The following ZNF26 variants were observed in gnomAD, a reference collection of about 807,000 sequenced individuals.
ZNF26 encodes the protein zinc finger protein 26.
In ZNF26, 32 loss-of-function variants were observed where a neutral mutation model predicts 54.9. The ratio of observed to expected loss-of-function variants is 0.58; its 90% CI spans 0.44 to 0.78. The LOEUF (loss-of-function observed/expected upper bound fraction) is 0.78. Ranked by LOEUF, ZNF26 falls within the 30% of genes least tolerant of loss-of-function variation. The probability of loss-of-function intolerance (pLI) is 0.00; values close to 1 mark genes in which losing one functional copy is unlikely to be tolerated. For synonymous variants in ZNF26, 221 were observed against 209.2 expected, an observed-to-expected ratio of 1.06 and a Z score of -0.49; for missense variants, 524 against 634.0, an observed-to-expected ratio of 0.83 and a Z score of 1.86.
At chr12:132,987,714 A>G (rs1952854537) in intron 1 of ZNF26, 1 of 985,322 alleles carries the variant, frequency 1.0e-6, no homozygotes, top group South Asian at 4.7e-5. Context: ...AAGACACCTT[A>G]TTGTATTCGT....
chr12:133,022,959 A>G lies in ZNF26; in HGVS notation c.*11478A>G, dbSNP rs1025160655. 1 of 152,222 alleles carries G rather than the reference A, an allele frequency of 6.6e-6. No homozygotes were observed. Among genetic ancestry groups the G allele is most frequent in the Non-Finnish European group, 1.5e-5 (1 of 68,034 alleles). 9.4% of individuals were successfully genotyped at this position (152,222 alleles called of 1,614,324 possible). On this transcript the variant is annotated 3_prime_UTR_variant, in exon 4 of 4. Transcript: ENST00000328654. ...GAAAATGATAATCAAAATCTTTAGG[A>G]TAGTGTCTACACCCTGTGGAAGAAG... is the stretch of plus-strand genomic sequence containing the variant.
At chr12:132,991,795 GA>G (rs1308375021) in intron 1 of ZNF26, among the ~76,000 whole-genome samples, 3 of 151,730 alleles carry the variant, frequency 2.0e-5, no homozygotes, top group African/African-American at 4.8e-5. Context: ...AAAATGATCA[GA>G]AAAAAAATTT....
intron 1 of ZNF26, among the ~76,000 whole-genome samples, chr12:132,989,892 C>T (rs1342166993): frequency 4.6e-5 from 7 of 152,128 alleles, no homozygotes; most frequent in African/African-American, 1.7e-4. Context: ...TTAGTTGTAG[C>T]ATTTTTCTTG....
At chr12:133,002,182 G>A (rs779621549) in intron 1 of ZNF26, among the ~76,000 whole-genome samples, 56 of 152,222 alleles carry the variant, frequency 3.7e-4, no homozygotes, top group Non-Finnish European at 7.1e-4. Flanking sequence ...CCTCCTTAAA[G>A]GGAAAGTTCT....
chr12:132,999,022 G>A (rs1005155465), intron 1 of ZNF26, among the ~76,000 whole-genome samples: 1 of 152,166 alleles, frequency 6.6e-6, no homozygotes, highest in Non-Finnish European at 1.5e-5. Flanking sequence ...CAGAGCAGCA[G>A]TCTTCCAAAC....
At position 133,011,868 on chromosome 12, in the gene ZNF26, T is replaced by C. The variant is rs1160134514; in HGVS notation, c.*387T>C. On this transcript the variant is annotated 3_prime_UTR_variant, in exon 4 of 4. Coordinates refer to ENST00000328654, the MANE Select transcript of ZNF26 (RefSeq NM_019591.4). The stretch of plus-strand genomic sequence containing the variant: ...TAAAATCTTGGTATGAACAGTTGAC[T>C]TCATGGTGGAGTATAAAGTTGTTTT... 6.4e-6 allele frequency: 1 copy of C among 156,598 alleles called. No individual in the cohort carries two copies. The highest frequency in any genetic ancestry group is 2.4e-5 in the African/African-American group (1 of 41,540). The allele number at this position is 156,598 out of a possible 1,614,324, so 9.7% of individuals were successfully genotyped here.
Position 133,013,427 on chromosome 12 carries a change from C to T in ZNF26, c.*1946C>T, listed in dbSNP as rs1171705346. ...AAAAGTTATCCTCACCCTTCCCCCC[C>T]TCAAAAAGTTATCCCTTGATAATTT... On this transcript the variant is annotated 3_prime_UTR_variant, in exon 4 of 4. Coordinates refer to ENST00000328654, the MANE Select transcript of ZNF26 (RefSeq NM_019591.4). The T allele has an allele frequency of 6.5e-6, 1 of 152,902 alleles. No individual in the cohort carries two copies. The highest frequency in any genetic ancestry group is 1.5e-5 in the Non-Finnish European group (1 of 68,334). The allele number at this position is 152,902 out of a possible 1,614,324, so 9.5% of individuals were successfully genotyped here. A position where few individuals can be genotyped will look rare whatever the true frequency, so the allele number is the denominator to read the frequency against.
At position 133,010,819 on chromosome 12, in the gene ZNF26, C is replaced by A. The variant is rs1011157563; in HGVS notation, c.940C>A (p.His314Asn). Residue 314 changes from histidine (H) to asparagine (N), a missense_variant, in exon 4 of 4, where the codon CAT becomes AAT. His to Asn is a moderately conservative substitution (Grantham distance 68). Coordinates refer to ENST00000328654, the MANE Select transcript of ZNF26 (RefSeq NM_019591.4). ...GAGAACTCATACAGGAGTGAAACCC[C>A]ATAAATGCAGTGAATGTGGGAAAGC... ...HQRTHTGVKP[H>N]KCSECGKAFR... 3 of 1,613,490 alleles carry A rather than the reference C, an allele frequency of 1.9e-6. No individual in the cohort carries two copies. In the East Asian group the frequency reaches 6.7e-5, roughly 36 times the overall value.
At chr12:133,002,402 G>A (rs1228165926) in intron 1 of ZNF26, among the ~76,000 whole-genome samples, 2 of 151,946 alleles carry the variant, frequency 1.3e-5, no homozygotes, top group African/African-American at 2.4e-5. Context: ...TGGTCTCCCC[G>A]GTATCTCCTC....
chr12:133,013,207 G>A lies in ZNF26; in HGVS notation c.*1726G>A, dbSNP rs1299079513. 2 of 152,234 alleles carry A rather than the reference G, an allele frequency of 1.3e-5. No homozygotes were observed. Among genetic ancestry groups the A allele is most frequent in the Non-Finnish European group, 2.9e-5 (2 of 68,052 alleles). The allele number at this position is 152,234 out of a possible 1,614,324, so 9.4% of individuals were successfully genotyped here. Reference sequence around the variant, plus strand: ...TTGATCTTGCTGGATCTTAGACCATGAGAATGACAGGCCTGAAGCCCTGAA... The same window carrying A: ...TTGATCTTGCTGGATCTTAGACCATAAGAATGACAGGCCTGAAGCCCTGAA... On this transcript the variant is annotated 3_prime_UTR_variant, in exon 4 of 4. Transcript: ENST00000328654.
At position 133,008,282 on chromosome 12, in the gene ZNF26, T is replaced by C. The variant is rs903840064; in HGVS notation, c.256+750T>C. Among the ~76,000 whole-genome samples, 433 of 152,254 alleles carry C rather than the reference T, an allele frequency of 2.8e-3. 2 individuals carry two copies. Among genetic ancestry groups the C allele is most frequent in the African/African-American group, 9.8e-3 (409 of 41,556 alleles). On this transcript the variant is annotated intron_variant, in intron 3 of 3. Coordinates refer to ENST00000328654, the MANE Select transcript of ZNF26 (RefSeq NM_019591.4). ...CCTCAAAAGAAATGGCCAGAGTCCTTCATTTTCTTTCACAAGTTTCTTTCT... is the reference window on the plus strand; with the variant it reads ...CCTCAAAAGAAATGGCCAGAGTCCTCCATTTTCTTTCACAAGTTTCTTTCT...
chr12:133,008,108 C>T lies in ZNF26; in HGVS notation c.256+576C>T, dbSNP rs1303710604. Among the ~76,000 whole-genome samples the T allele has an allele frequency of 2.0e-5, 3 of 152,184 alleles. No homozygotes were observed. The South Asian group carries it at 6.2e-4, about 32-fold the overall frequency. On this transcript the variant is annotated intron_variant, in intron 3 of 3. Transcript: ENST00000328654. ...TTCCGTTCCGAAGGTTTACGCTTTC[C>T]CCCCAGTGTTGTAACATCAAAATTG...
chr12:132,989,711 C>G (rs1029772412), intron 1 of ZNF26, among the ~76,000 whole-genome samples: 16 of 152,118 alleles, frequency 1.1e-4, no homozygotes, highest in Non-Finnish European at 2.4e-4. Flanking sequence ...ATTTAGATTT[C>G]AGGTTTTTGG....
At position 133,026,409 on chromosome 12, in the gene ZNF26, T is replaced by C. The variant is rs2137291822; in HGVS notation, c.*14928T>C. The C allele has an allele frequency of 6.6e-6, 1 of 152,108 alleles. No individual in the cohort carries two copies. Among genetic ancestry groups the C allele is most frequent in the South Asian group, 2.1e-4 (1 of 4,796 alleles). The allele number at this position is 152,108 out of a possible 1,614,324, so 9.4% of individuals were successfully genotyped here. ...CCACTGCGCCTGGCCAATAAGTCTCTTTTTTTAGGTAATCAAGTTAAAATA... is the reference window on the plus strand; with the variant it reads ...CCACTGCGCCTGGCCAATAAGTCTCCTTTTTTAGGTAATCAAGTTAAAATA... On this transcript the variant is annotated 3_prime_UTR_variant, in exon 4 of 4. Transcript: ENST00000328654.
chr12:132,986,567 A>C lies in ZNF26; in HGVS notation c.-274A>C. On this transcript the variant is annotated 5_prime_UTR_variant, in exon 1 of 4. Coordinates refer to ENST00000328654, the MANE Select transcript of ZNF26 (RefSeq NM_019591.4). ...CGGTCCGGGGCGTGGACGGGGCCAG[A>C]TCAGCCTCCTGCTCTCCCGAGTCAG... 1.8e-6 allele frequency: 1 copy of C among 561,712 alleles called. No homozygotes were observed. The highest frequency in any genetic ancestry group is 3.0e-5 in the Admixed American group (1 of 32,830). 34.8% of individuals were successfully genotyped at this position (561,712 alleles called of 1,614,324 possible).
intron 1 of ZNF26, chr12:133,006,324 T>A (rs1191286657): frequency 9.1e-6 from 9 of 984,642 alleles, no homozygotes; most frequent in Non-Finnish European, 1.1e-5. Context: ...TCCAAACACC[T>A]CCTGAATTGC....
intron 1 of ZNF26, among the ~76,000 whole-genome samples, chr12:132,992,984 G>A (rs57338070): frequency 0.11 from 15,806 of 150,062 alleles, 1,067 homozygotes; most frequent in South Asian, 0.2. Flanking sequence ...GCCCATCAAA[G>A]GCATTCTTCA....
At chr12:133,003,663 C>A (rs1395753853) in intron 1 of ZNF26, among the ~76,000 whole-genome samples, 1 of 152,208 alleles carries the variant, frequency 6.6e-6, no homozygotes, top group Non-Finnish European at 1.5e-5. Flanking sequence ...TCCATTCTCT[C>A]TGTTCCTACT....
At position 133,021,863 on chromosome 12, in the gene ZNF26, T is replaced by C. The variant is rs1177961877; in HGVS notation, c.*10382T>C. 1 of 152,060 alleles carries C rather than the reference T, an allele frequency of 6.6e-6. No individual in the cohort carries two copies. Among genetic ancestry groups the C allele is most frequent in the Admixed American group, 6.5e-5 (1 of 15,268 alleles). The allele number at this position is 152,060 out of a possible 1,614,324, so 9.4% of individuals were successfully genotyped here. A position where few individuals can be genotyped will look rare whatever the true frequency, so the allele number is the denominator to read the frequency against. On this transcript the variant is annotated 3_prime_UTR_variant, in exon 4 of 4. Transcript: ENST00000328654. ...AAGAATATTTACAAATTCATTATCA[T>C]TGTGTAAATTCTATATTACTTTTTA...
Sources: gnomAD v4.1 joint callset for allele counts (sites outside exome capture counted in the v4.1 genomes callset) on GRCh38, gnomAD v4.1.1 for gene constraint, MANE v1.5 for transcripts, NCBI Gene and HGNC (gene_info 2026-07-23, HGNC 2026-07-21) for gene names.